The following RCC1L variants were observed in gnomAD, a reference collection of about 807,000 sequenced individuals.
RCC1L encodes the protein RCC1-like G exchanging factor-like protein.
RCC1L carries 46 observed loss-of-function variants against 58.6 expected under a neutral mutation model. The ratio of observed to expected loss-of-function variants is 0.79; its 90% CI spans 0.62 to 1.00. RCC1L has a LOEUF of 1.00. Among genes scored for constraint, RCC1L ranks in the 50% least tolerant of loss-of-function variants. RCC1L has a pLI of 0.00. For missense variants in RCC1L, 636 were observed against 623.6 expected, an observed-to-expected ratio of 1.02 and a Z score of -0.21; for synonymous variants, 281 against 262.9, an observed-to-expected ratio of 1.07 and a Z score of -0.67.
In RCC1L at chr7:75,055,939, C is replaced by T. The variant is rs140481718; in HGVS notation, c.1193G>A (p.Arg398His). The change falls in exon 9 of 11, where the codon CGC (arginine) becomes CAC (histidine). Residue 398 changes from arginine to histidine, a missense_variant. By Grantham distance (29) the Arg-to-His change is conservative. Coordinates refer to ENST00000610322, the MANE Select transcript of RCC1L (RefSeq NM_030798.5). Reference protein sequence around the residue: ...TEFNPEIQVSRIRCGLSHFAA... With the variant: ...TEFNPEIQVSHIRCGLSHFAA... ...AAAGTGGCTGAGTCCACATCGGATGCGGGAAACCTGGATTTCTGGGTTGAA... is the reference window on the plus strand; with the variant it reads ...AAAGTGGCTGAGTCCACATCGGATGTGGGAAACCTGGATTTCTGGGTTGAA... 24 of 1,613,810 alleles carry T rather than the reference C, an allele frequency of 1.5e-5. 1 individual carries two copies. Among genetic ancestry groups the T allele is most frequent in the South Asian group, 5.5e-5 (5 of 91,080 alleles).
chr7:75,064,224 G>T (rs1341003859), intron 4 of RCC1L, among the ~76,000 whole-genome samples: 1 of 151,950 alleles, frequency 6.6e-6, no homozygotes, highest in East Asian at 1.9e-4. Context: ...CAGCTACTCA[G>T]GAGGCTGAGG....
At position 75,072,834 on chromosome 7, in the gene RCC1L, G is replaced by A. The variant is rs587595953; in HGVS notation, c.324+580C>T. 1.3e-4 allele frequency among the ~76,000 whole-genome samples: 20 copies of A among 152,192 alleles called. No individual in the cohort carries two copies. The South Asian group carries it at 3.7e-3, about 28-fold the overall frequency. On this transcript the variant is annotated intron_variant, in intron 1 of 10. Coordinates refer to ENST00000610322, the MANE Select transcript of RCC1L (RefSeq NM_030798.5). ...TCTACTAAAAATACAAAAATTTGCC[G>A]GGCTAGGTGGCAGGACGATCTCTTG...
chr7:75,055,540 C>T, intron 9 of RCC1L: 1 of 346,116 alleles, frequency 2.9e-6, no homozygotes, highest in Non-Finnish European at 5.6e-6. Context: ...AAGCCCCACA[C>T]ATTCACTTCC....
Position 75,055,845 on chromosome 7 carries a change from G to A in RCC1L, c.1231+56C>T. 3 of 1,606,444 alleles carry A rather than the reference G, an allele frequency of 1.9e-6. No homozygotes were observed. The South Asian group carries it at 3.3e-5, about 18-fold the overall frequency. ...GCTGCCCGCAGTTTGGGGTTGAACT[G>A]GAGACAGAGAACCTCTGCTGGGCTC... On this transcript the variant is annotated intron_variant, in intron 9 of 10. Transcript: ENST00000610322.
intron 8 of RCC1L, chr7:75,056,436 T>A: frequency 7.9e-7 from 1 of 1,267,216 alleles, no homozygotes; most frequent in South Asian, 1.6e-5. Context: ...TAATGACAGC[T>A]CTGTGTTTCA....
chr7:75,042,095 A>T, downstream of RCC1L: 1 of 792,542 alleles, frequency 1.3e-6, no homozygotes, highest in Non-Finnish European at 1.5e-6. Flanking sequence ...AGTATTTTTC[A>T]CTGGCTTCTG....
At chr7:75,027,792 C>A in exon 11 of RCC1L, 1 of 562,366 alleles carries the variant, frequency 1.8e-6, no homozygotes, top group Non-Finnish European at 3.2e-6. Context: ...ATCTTCTCGG[C>A]GTTCTGTGTG....
chr7:75,054,584 G>A (rs1806018412), intron 9 of RCC1L, among the ~76,000 whole-genome samples: 1 of 152,076 alleles, frequency 6.6e-6, no homozygotes, highest in Non-Finnish European at 1.5e-5. Flanking sequence ...TAGTCCATAC[G>A]ACTCTTATTT....
At chr7:75,037,207 CAG>C, downstream of RCC1L, among the ~76,000 whole-genome samples, 1 of 152,272 alleles carries the variant, frequency 6.6e-6, no homozygotes, top group South Asian at 2.1e-4. Flanking sequence ...TTTATTGAGA[CAG>C]AGTCTCAATC....
intron 7 of RCC1L, 188 bp from the exon 8 acceptor site, chr7:75,057,804 T>G (rs2131994752): frequency 1.5e-6 from 1 of 674,112 alleles, no homozygotes; most frequent in East Asian, 2.8e-5. Context: ...AGGCCCAGTT[T>G]CCACCCTCAG....
At chr7:75,037,445 T>G (rs1350207018), downstream of RCC1L, among the ~76,000 whole-genome samples, 1 of 151,748 alleles carries the variant, frequency 6.6e-6, no homozygotes, top group Non-Finnish European at 1.5e-5. Flanking sequence ...CGCCTCGGCC[T>G]CCCAAAGTGC....
chr7:75,050,898 C>A (rs1554443265), intron 10 of RCC1L, among the ~76,000 whole-genome samples: 2 of 151,992 alleles, frequency 1.3e-5, no homozygotes, highest in African/African-American at 2.4e-5. Flanking sequence ...TTGAGACCAG[C>A]CTGGGCAACA....
chr7:75,055,798 G>A, intron 9 of RCC1L, 103 bp downstream of exon 9: 2 of 1,399,644 alleles, frequency 1.4e-6, no homozygotes, highest in Non-Finnish European at 1.0e-6. Flanking sequence ...GCGCCGTTCT[G>A]TTGGATGGGT....
Position 75,060,058 on chromosome 7 carries a change from G to A in RCC1L, c.787+1149C>T, listed in dbSNP as rs370005090. Among the ~76,000 whole-genome samples the A allele has an allele frequency of 9.9e-5, 15 of 152,154 alleles. No homozygotes were observed. In the East Asian group the frequency reaches 1.2e-3, roughly 12 times the overall value. On this transcript the variant is annotated intron_variant, in intron 6 of 10. Transcript: ENST00000610322. ...ATTACAGGCATGAGCCACCGCGCCC[G>A]GCCCCGATCTTTTTACTGTCTCCAT...
At chr7:75,052,331 C>T (rs1167958351) in intron 10 of RCC1L, among the ~76,000 whole-genome samples, 2 of 152,342 alleles carry the variant, frequency 1.3e-5, no homozygotes, top group African/African-American at 2.4e-5. Context: ...TTTGCACCAT[C>T]GTGCCTCTGT....
intron 10 of RCC1L, among the ~76,000 whole-genome samples, chr7:75,032,866 G>A (rs1467227188): frequency 6.6e-6 from 1 of 151,954 alleles, no homozygotes; most frequent in Non-Finnish European, 1.5e-5. Context: ...GAGGTCAGGA[G>A]TTCAAGACCA....
At chr7:75,032,232 G>T (rs1488416286) in intron 10 of RCC1L, among the ~76,000 whole-genome samples, 3 of 144,760 alleles carry the variant, frequency 2.1e-5, no homozygotes, top group Non-Finnish European at 4.5e-5. Context: ...TGGGGACGGT[G>T]GGGGGAAGGA....
intron 10 of RCC1L, among the ~76,000 whole-genome samples, chr7:75,033,174 G>T (rs1318756284): frequency 1.3e-5 from 2 of 151,788 alleles, no homozygotes; most frequent in African/African-American, 4.8e-5. Context: ...TTATGCTGGT[G>T]CTGGGGACCC....
At chr7:75,035,698 T>C (rs1315574638) in intron 10 of RCC1L, among the ~76,000 whole-genome samples, 1 of 151,618 alleles carries the variant, frequency 6.6e-6, no homozygotes, top group East Asian at 1.9e-4. Flanking sequence ...CAAAATGTTA[T>C]ATTATATATT....
Sources: allele counts gnomAD v4.1 joint callset (sites outside exome capture counted in the v4.1 genomes callset), GRCh38; gene constraint gnomAD v4.1.1; transcripts MANE v1.5; gene names NCBI Gene and HGNC (gene_info 2026-07-23, HGNC 2026-07-21).